SLC6A13: variants seen among roughly 807,000 people sequenced by gnomAD.
SLC6A13 encodes sodium- and chloride-dependent GABA transporter 2.
SLC6A13 carries 69 observed loss-of-function variants against 72.9 expected under a neutral mutation model. The observed-to-expected ratio is 0.95, with a 90% CI of 0.78 to 1.16. The LOEUF (loss-of-function observed/expected upper bound fraction) is 1.16. SLC6A13 is among the 50% of genes most tolerant of loss of function. The probability of loss-of-function intolerance (pLI) is 0.00; values close to 1 mark genes in which losing one functional copy is unlikely to be tolerated. For synonymous variants in SLC6A13, 303 were observed against 303.0 expected (o/e 1.00, Z 0.00); for missense variants, 735 against 760.5 (o/e 0.97, Z 0.39).
At chr12:237,866 C>T in intron 5 of SLC6A13, 60 bp downstream of exon 5, 1 of 1,275,692 alleles carries the variant, frequency 7.8e-7, no homozygotes, top group African/African-American at 1.5e-5. Flanking sequence ...GTGTGTACTC[C>T]TCCCCATACC....
intron 8 of SLC6A13, chr12:226,853 C>G (rs925117523): frequency 4.8e-6 from 1 of 206,708 alleles, no homozygotes; most frequent in Non-Finnish European, 9.8e-6. Flanking sequence ...GACGCCACCA[C>G]TCTGCCATCA....
chr12:250,023 T>C (rs142903362), intron 2 of SLC6A13, among the ~76,000 whole-genome samples: 2 of 152,252 alleles, frequency 1.3e-5, no homozygotes, highest in Admixed American at 6.5e-5. Context: ...CTCATCCTGT[T>C]AACAAATTAC....
chr12:252,243 C>A (rs536004371), intron 2 of SLC6A13, among the ~76,000 whole-genome samples: 1 of 152,122 alleles, frequency 6.6e-6, no homozygotes, highest in South Asian at 2.1e-4. Context: ...ATTATCAACA[C>A]ACTGTATGAT....
chr12:237,503 G>T (rs1565497771), intron 5 of SLC6A13, among the ~76,000 whole-genome samples: 1 of 152,098 alleles, frequency 6.6e-6, no homozygotes, highest in Non-Finnish European at 1.5e-5. Flanking sequence ...TGAGTGCTTT[G>T]TCCCCAGCCA....
intron 1 of SLC6A13, among the ~76,000 whole-genome samples, chr12:261,964 C>T (rs1338770668): frequency 6.6e-6 from 1 of 151,834 alleles, no homozygotes; most frequent in Non-Finnish European, 1.5e-5. Context: ...GAACAGCAGG[C>T]ATCTATGTTT....
chr12:240,128 T>C (rs753575989), intron 4 of SLC6A13, among the ~76,000 whole-genome samples: 44 of 151,974 alleles, frequency 2.9e-4, no homozygotes, highest in Middle Eastern at 6.8e-3. Context: ...TTGTCAAGGG[T>C]GGTCTCAGTA....
chr12:256,887 T>C (rs1218135346), intron 2 of SLC6A13, among the ~76,000 whole-genome samples: 3 of 152,066 alleles, frequency 2.0e-5, no homozygotes, highest in Non-Finnish European at 4.4e-5. Flanking sequence ...TATCCCAGCG[T>C]CCTTGCTCAG....
chr12:259,948 C>A lies in SLC6A13; in HGVS notation c.105G>T (p.Trp35Cys). Residue 35 changes from tryptophan (W) to cysteine (C), a missense_variant, in exon 2 of 15, where the codon TGG becomes TGT. Coordinates refer to ENST00000343164, the MANE Select transcript of SLC6A13 (RefSeq NM_016615.5). ...ACAGCACAAACTCCATCTTGTTGTT[C>A]CAGTGCCCCCGCTCCAGGGTGCCAT... The part of the protein sequence containing the change: ...EEDGTLERGH[W>C]NNKMEFVLSV... 1 of 1,614,220 alleles carries A rather than the reference C, an allele frequency of 6.2e-7. No individual in the cohort carries two copies. The highest frequency in any genetic ancestry group is 8.5e-7 in the Non-Finnish European group (1 of 1,180,034).
At chr12:224,317 T>C in intron 10 of SLC6A13, 84 bp downstream of exon 10, 1 of 1,373,822 alleles carries the variant, frequency 7.3e-7, no homozygotes, top group Non-Finnish European at 1.0e-6. Flanking sequence ...GGGCATCCAC[T>C]TCTGACATTC....
chr12:232,688 A>T (rs1941760293), intron 7 of SLC6A13, among the ~76,000 whole-genome samples: 1 of 152,142 alleles, frequency 6.6e-6, no homozygotes, highest in Non-Finnish European at 1.5e-5. Flanking sequence ...CTGTATCTCC[A>T]TGCTGTCTGA....
rs1219975810 is a variant in SLC6A13, at chr12:220,906, C to T, written c.*42G>A. On this transcript the variant is annotated 3_prime_UTR_variant, in exon 15 of 15. Coordinates refer to ENST00000343164, the MANE Select transcript of SLC6A13 (RefSeq NM_016615.5). ...TCTGCCACGTTCCCTCCACAGCCAT[C>T]CCCAAGGCCAGGCACACAGGCACCA... 1.2e-6 allele frequency: 2 copies of T among 1,607,226 alleles called. No individual in the cohort carries two copies. The highest frequency in any genetic ancestry group is 2.7e-5 in the African/African-American group (2 of 74,906).
intron 3 of SLC6A13, 82 bp from the exon 4 acceptor site, chr12:242,836 AG>A: frequency 7.5e-7 from 1 of 1,333,600 alleles, no homozygotes; most frequent in South Asian, 1.4e-5. Context: ...CGGGACGCTG[AG>A]GTGAGAGGAT....
intron 9 of SLC6A13, among the ~76,000 whole-genome samples, chr12:225,315 G>C (rs1485281720): frequency 2.6e-5 from 4 of 152,222 alleles, no homozygotes; most frequent in Non-Finnish European, 5.9e-5. Context: ...GGTACGAGTA[G>C]AGTGCCTCGC....
At chr12:233,225 G>A (rs1941785334) in intron 7 of SLC6A13, among the ~76,000 whole-genome samples, 1 of 152,154 alleles carries the variant, frequency 6.6e-6, no homozygotes, top group Non-Finnish European at 1.5e-5. Context: ...GGCATAACCG[G>A]GTAACAACAC....
chr12:244,386 T>C (rs1942277341), intron 2 of SLC6A13, among the ~76,000 whole-genome samples: 1 of 152,198 alleles, frequency 6.6e-6, no homozygotes, highest in African/African-American at 2.4e-5. Context: ...TGAGACTGTG[T>C]TTGTTATAAA....
chr12:247,632 A>T (rs1942400171), intron 2 of SLC6A13, among the ~76,000 whole-genome samples: 2 of 152,248 alleles, frequency 1.3e-5, no homozygotes, highest in South Asian at 2.1e-4. Flanking sequence ...ATATCACCAG[A>T]TAGAAATATG....
intron 7 of SLC6A13, among the ~76,000 whole-genome samples, chr12:228,013 C>A (rs1941540299): frequency 6.6e-6 from 1 of 152,146 alleles, no homozygotes; most frequent in Non-Finnish European, 1.5e-5. Context: ...GTTCTGCCCC[C>A]ACTCTCTCCT....
intron 2 of SLC6A13, among the ~76,000 whole-genome samples, chr12:252,817 T>C (rs1942599589): frequency 6.6e-6 from 1 of 152,238 alleles, no homozygotes; most frequent in Non-Finnish European, 1.5e-5. Flanking sequence ...AGCCAATGTT[T>C]AACTCTGGGC....
chr12:233,890 A>T (rs1285075899), intron 7 of SLC6A13, among the ~76,000 whole-genome samples: 2 of 152,172 alleles, frequency 1.3e-5, no homozygotes, highest in Non-Finnish European at 2.9e-5. Flanking sequence ...CTCCAGCTTG[A>T]ATAGGGGCTG....
Sources: allele counts gnomAD v4.1 joint callset (sites outside exome capture counted in the v4.1 genomes callset), GRCh38; gene constraint gnomAD v4.1.1; transcripts MANE v1.5; gene names NCBI Gene and HGNC (gene_info 2026-07-23, HGNC 2026-07-21).